Variants in MSRA observed in about 807,000 individuals in gnomAD.
MSRA encodes mitochondrial peptide methionine sulfoxide reductase.
MSRA carries 54 observed loss-of-function variants against 31.3 expected under a neutral mutation model. The observed-to-expected ratio is 1.73, with a 90% CI of 1.39 to 2.17. The LOEUF is 2.17. Ranked by LOEUF, MSRA falls within the 30% of genes most tolerant of loss-of-function variation. The pLI is 0.00. For missense variants in MSRA, 507 were observed against 300.9 expected (o/e 1.69, Z -5.07); for synonymous variants, 169 against 116.5 (o/e 1.45, Z -2.90).
chr8:10,319,813 T>C (rs892837456), intron 4 of MSRA, 70 bp from the exon 5 acceptor site: 2 of 849,492 alleles, frequency 2.4e-6, no homozygotes, highest in African/African-American at 1.7e-5. Context: ...TGTCTCAGCA[T>C]TGTGCCCAGT....
At chr8:10,211,173 T>C (rs1217576337) in intron 2 of MSRA, among the ~76,000 whole-genome samples, 1 of 152,200 alleles carries the variant, frequency 6.6e-6, no homozygotes, top group Non-Finnish European at 1.5e-5. Context: ...GAATGTGAAA[T>C]GTCAGGAAAG....
chr8:10,281,381 A>G (rs1799613984), intron 3 of MSRA, among the ~76,000 whole-genome samples: 1 of 152,232 alleles, frequency 6.6e-6, no homozygotes, highest in Non-Finnish European at 1.5e-5. Context: ...GATTTAATGA[A>G]AATGAATGGA....
chr8:10,136,837 G>A (rs574087392), intron 1 of MSRA, among the ~76,000 whole-genome samples: 3 of 152,236 alleles, frequency 2.0e-5, no homozygotes, highest in African/African-American at 7.2e-5. Flanking sequence ...CATTCTTGGT[G>A]TGTCTTTGTA....
At chr8:10,192,521 C>T (rs938009609) in intron 1 of MSRA, among the ~76,000 whole-genome samples, 3 of 152,320 alleles carry the variant, frequency 2.0e-5, no homozygotes, top group South Asian at 4.1e-4. Flanking sequence ...TGCAATTGAA[C>T]AGTGGTTGTT....
At chr8:10,253,956 A>G (rs949281157) in intron 3 of MSRA, among the ~76,000 whole-genome samples, 3 of 152,148 alleles carry the variant, frequency 2.0e-5, no homozygotes, top group African/African-American at 4.8e-5. Flanking sequence ...GTTGCTCGTC[A>G]TGGGAGTGAA....
intron 1 of MSRA, among the ~76,000 whole-genome samples, chr8:10,131,353 G>C (rs533180945): frequency 1.1e-4 from 17 of 152,324 alleles, no homozygotes; most frequent in African/African-American, 4.1e-4. Flanking sequence ...ATAGACAAAA[G>C]AGTGGAAATG....
intron 5 of MSRA, among the ~76,000 whole-genome samples, chr8:10,418,036 C>T (rs942326539): frequency 6.6e-6 from 1 of 152,110 alleles, no homozygotes; most frequent in Non-Finnish European, 1.5e-5. Flanking sequence ...CTCTTAGAAG[C>T]CCGACCCTAA....
chr8:10,282,129 A>G (rs966927846), intron 3 of MSRA, among the ~76,000 whole-genome samples: 63 of 152,312 alleles, frequency 4.1e-4, no homozygotes, highest in African/African-American at 1.4e-3. Flanking sequence ...GAATAGTAAT[A>G]ATTTATAATT....
chr8:10,363,738 C>CCACACACA (rs71203319), intron 5 of MSRA, among the ~76,000 whole-genome samples: 1,503 of 103,336 alleles, frequency 0.015, 48 homozygotes, highest in Middle Eastern at 0.05. Flanking sequence ...GATGCAGTCA[C>CCACACACA]CACACACACA....
chr8:10,335,872 C>T (rs749800070), intron 5 of MSRA, among the ~76,000 whole-genome samples: 3 of 152,180 alleles, frequency 2.0e-5, no homozygotes, highest in Admixed American at 6.5e-5. Context: ...TCACTCTAAT[C>T]GCTGCCCTCC....
At chr8:10,375,160 T>C (rs922604034) in intron 5 of MSRA, among the ~76,000 whole-genome samples, 5 of 152,230 alleles carry the variant, frequency 3.3e-5, no homozygotes, top group Non-Finnish European at 7.3e-5. Flanking sequence ...ATAACACACT[T>C]GTACAGCCAC....
chr8:10,153,386 C>A (rs953299354), intron 1 of MSRA, among the ~76,000 whole-genome samples: 2 of 152,162 alleles, frequency 1.3e-5, no homozygotes, highest in South Asian at 2.1e-4. Context: ...CTCTCACGTG[C>A]CTGCTGTATA....
intron 1 of MSRA, among the ~76,000 whole-genome samples, chr8:10,147,674 C>A (rs957520318): frequency 3.3e-5 from 5 of 152,142 alleles, no homozygotes; most frequent in Admixed American, 6.5e-5. Flanking sequence ...CTTGGCATGG[C>A]CATCTGCATG....
At chr8:10,158,434 T>C (rs944464234) in intron 1 of MSRA, among the ~76,000 whole-genome samples, 1 of 152,220 alleles carries the variant, frequency 6.6e-6, no homozygotes, top group Non-Finnish European at 1.5e-5. Flanking sequence ...GTCTATAGAT[T>C]TGTCAATTTT....
intron 1 of MSRA, among the ~76,000 whole-genome samples, chr8:10,093,030 T>C (rs1394455303): frequency 6.6e-6 from 1 of 152,186 alleles, no homozygotes; most frequent in African/African-American, 2.4e-5. Flanking sequence ...TTTTGCATGG[T>C]ATATATATTT....
At chr8:10,283,836 T>TATATATATATACACACACACAC (rs1261287031) in intron 3 of MSRA, among the ~76,000 whole-genome samples, 43 of 53,114 alleles carry the variant, frequency 8.1e-4, no homozygotes, top group African/African-American at 1.6e-3. Flanking sequence ...TATATATATA[T>TATATATATATACACACACACAC]ACACACACAC....
At chr8:10,130,094 G>A (rs1448980766) in intron 1 of MSRA, among the ~76,000 whole-genome samples, 1 of 152,190 alleles carries the variant, frequency 6.6e-6, no homozygotes, top group Admixed American at 6.5e-5. Flanking sequence ...TCATCTTAAT[G>A]ACTGGGAGTG....
At position 10,428,173 on chromosome 8, in the gene MSRA, C is replaced by T; in HGVS notation, c.569C>T (p.Pro190Leu). Residue 190 changes from proline to leucine, a missense_variant, in exon 6 of 6, where the codon CCC becomes CTC. Physicochemically the swap from Pro to Leu is moderately conservative, Grantham distance 98 (BLOSUM62 -3). Coordinates refer to ENST00000317173, the MANE Select transcript of MSRA (RefSeq NM_012331.5). Reference sequence around the variant, plus strand: ...GTTCTTTCAGAGCACGGCTTCGGCCCCATCACTACCGACATCCGGGAGGGA... The same window carrying T: ...GTTCTTTCAGAGCACGGCTTCGGCCTCATCACTACCGACATCCGGGAGGGA... ...QKVLSEHGFG[P>L]ITTDIREGQT... 6.2e-7 allele frequency: 1 copy of T among 1,613,954 alleles called. No individual in the cohort carries two copies. The highest frequency in any genetic ancestry group is 8.5e-7 in the Non-Finnish European group (1 of 1,179,944).
At chr8:10,117,702 A>C (rs17151117) in intron 1 of MSRA, among the ~76,000 whole-genome samples, 15,449 of 152,234 alleles carry the variant, frequency 0.1, 1,084 homozygotes, top group East Asian at 0.27. Context: ...AATACATTTC[A>C]GGGTCTTTTT....
Sources: allele counts gnomAD v4.1 joint callset (sites outside exome capture counted in the v4.1 genomes callset), GRCh38; gene constraint gnomAD v4.1.1; transcripts MANE v1.5; gene names NCBI Gene and HGNC (gene_info 2026-07-23, HGNC 2026-07-21).